PRDM16: variants seen among roughly 807,000 people sequenced by gnomAD.
PRDM16 encodes PR/SET domain 16.
In PRDM16, 23 loss-of-function variants were observed where a neutral mutation model predicts 110.6. That is an observed-to-expected ratio of 0.21 (90% CI 0.15 to 0.29). PRDM16 has a LOEUF of 0.29. PRDM16 is among the 10% of genes least tolerant of loss of function. The pLI, the probability that PRDM16 is intolerant of heterozygous loss-of-function variation, is 1.00. For missense variants in PRDM16, 1,615 were observed against 1,794.3 expected (o/e 0.90, Z 1.81); for synonymous variants, 799 against 781.8 (o/e 1.02, Z -0.37).
chr1:3,396,258 G>A (rs112989328), intron 4 of PRDM16: 47 of 581,330 alleles, frequency 8.1e-5, no homozygotes, highest in African/African-American at 4.4e-4. Context: ...CTGTTTAGTC[G>A]GCCACCCCCT....
At chr1:3,421,029 G>A (rs761135673) in intron 12 of PRDM16, among the ~76,000 whole-genome samples, 11 of 152,244 alleles carry the variant, frequency 7.2e-5, no homozygotes, top group Middle Eastern at 3.2e-3. Flanking sequence ...TGCCTTCTGT[G>A]TGAAGCTGGA....
rs191288337 is a variant in PRDM16 at position 3,310,589 on chromosome 1, G to A, written c.438+66452G>A. Among the ~76,000 whole-genome samples the A allele has an allele frequency of 1.2e-4, 18 of 152,208 alleles. No individual in the cohort carries two copies. In the East Asian group the frequency reaches 2.3e-3, roughly 20 times the overall value. ...TGGGGAGAGAATGTTTGACCGAGCCGGGTTACTTGGTCCCCAAGTCCCTCC... is the reference window on the plus strand; with the variant it reads ...TGGGGAGAGAATGTTTGACCGAGCCAGGTTACTTGGTCCCCAAGTCCCTCC... On this transcript the variant is annotated intron_variant, in intron 3 of 16. Coordinates refer to ENST00000270722, the MANE Select transcript of PRDM16 (RefSeq NM_022114.4).
rs915669654 is a variant in PRDM16 at position 3,370,771 on chromosome 1, G to A, written c.439-14381G>A. 1.3e-5 allele frequency among the ~76,000 whole-genome samples: 2 copies of A among 152,248 alleles called. No homozygotes were observed. Among genetic ancestry groups the A allele is most frequent in the East Asian group, 1.9e-4 (1 of 5,174 alleles). On this transcript the variant is annotated intron_variant, in intron 3 of 16. Transcript: ENST00000270722. The surrounding 1 kb of genome is among the most constrained non-coding windows in gnomAD (Gnocchi z 4.8). ...GAAGCCATAAGTGTCTGGGCAAGTT[G>A]AGGGGAGGGTCTGCTCCCCATCCAT...
chr1:3,230,567 A>C (rs1639383255), intron 2 of PRDM16, among the ~76,000 whole-genome samples: 1 of 152,262 alleles, frequency 6.6e-6, no homozygotes, highest in South Asian at 2.1e-4. Context: ...GAAAACAAAC[A>C]GGAGGAAAAT....
chr1:3,177,828 A>G (rs1459848480), intron 1 of PRDM16, among the ~76,000 whole-genome samples: 1 of 143,066 alleles, frequency 7.0e-6, no homozygotes, highest in Admixed American at 7.2e-5. Flanking sequence ...TGAACTGATC[A>G]GTAAGTTTAG....
At chr1:3,180,049 T>A (rs1644132294) in intron 1 of PRDM16, among the ~76,000 whole-genome samples, 1 of 152,138 alleles carries the variant, frequency 6.6e-6, no homozygotes, top group Non-Finnish European at 1.5e-5. Flanking sequence ...CTTTTGACCT[T>A]AGGTTTTCTG....
At chr1:3,424,408 G>A (rs777161425) in intron 12 of PRDM16, among the ~76,000 whole-genome samples, 4 of 152,210 alleles carry the variant, frequency 2.6e-5, no homozygotes, top group African/African-American at 4.8e-5. Context: ...AGCCCTCCTC[G>A]ATCGCTCATT....
At chr1:3,097,509 A>C (rs1258355920) in intron 1 of PRDM16, among the ~76,000 whole-genome samples, 1 of 152,216 alleles carries the variant, frequency 6.6e-6, no homozygotes, top group Non-Finnish European at 1.5e-5. Context: ...CATACAGGCC[A>C]GAAGCCAGCA....
chr1:3,228,166 G>A (rs936005159), intron 2 of PRDM16, among the ~76,000 whole-genome samples: 3 of 152,272 alleles, frequency 2.0e-5, no homozygotes, highest in Admixed American at 2.0e-4. Flanking sequence ...TGTCCAGTGT[G>A]TGTCCTTCCC....
At chr1:3,262,775 C>T (rs1375935500) in intron 3 of PRDM16, among the ~76,000 whole-genome samples, 6 of 152,306 alleles carry the variant, frequency 3.9e-5, no homozygotes, top group Admixed American at 3.9e-4. Flanking sequence ...GCATGGGGTC[C>T]CAGGGACGAC....
At chr1:3,074,755 C>T (rs1641858604) in intron 1 of PRDM16, among the ~76,000 whole-genome samples, 1 of 152,196 alleles carries the variant, frequency 6.6e-6, no homozygotes, top group Non-Finnish European at 1.5e-5. Flanking sequence ...AGGACCTGCC[C>T]TTTGCCACCC....
intron 3 of PRDM16, among the ~76,000 whole-genome samples, chr1:3,284,282 G>A (rs777741961): frequency 6.6e-6 from 1 of 152,326 alleles, no homozygotes; most frequent in African/African-American, 2.4e-5. Context: ...AGAGTCAAAC[G>A]TTTTCGGCCC....
chr1:3,332,907 G>A (rs1312594900), intron 3 of PRDM16, among the ~76,000 whole-genome samples: 1 of 152,198 alleles, frequency 6.6e-6, no homozygotes, highest in African/African-American at 2.4e-5. Context: ...ACGCATCTGT[G>A]TTCAAGGTTC....
intron 3 of PRDM16, among the ~76,000 whole-genome samples, chr1:3,277,942 G>A (rs1189530281): frequency 2.0e-5 from 3 of 152,196 alleles, no homozygotes; most frequent in Non-Finnish European, 4.4e-5. Context: ...TTCCAACACC[G>A]TGAAGTCCGT....
chr1:3,365,852 C>T (rs1205978541), intron 3 of PRDM16, among the ~76,000 whole-genome samples: 1 of 152,232 alleles, frequency 6.6e-6, no homozygotes, highest in African/African-American at 2.4e-5. Flanking sequence ...GCAGGGACGA[C>T]TTTGAAGGCT....
chr1:3,093,549 C>G (rs1300567647), intron 1 of PRDM16, among the ~76,000 whole-genome samples: 3 of 152,152 alleles, frequency 2.0e-5, no homozygotes, highest in African/African-American at 7.2e-5. Context: ...GCCCTGGGAC[C>G]CCCGGCATCT....
chr1:3,403,034 C>T (rs1422613597), intron 6 of PRDM16, 36 bp downstream of exon 6: 16 of 1,510,928 alleles, frequency 1.1e-5, no homozygotes, highest in South Asian at 4.6e-5. Flanking sequence ...CTCCCCTTCC[C>T]GTACCCTCCT....
Position 3,190,709 on chromosome 1 carries a change from G to A in PRDM16, c.387+4235G>A, listed in dbSNP as rs1026318761. ...GGCTCAGTCTCTTCCCAAATACCAC[G>A]CCCCGCCGGTCGCCGCCGAAGCCCA... On this transcript the variant is annotated intron_variant, in intron 2 of 16. Coordinates refer to ENST00000270722, the MANE Select transcript of PRDM16 (RefSeq NM_022114.4). This position sits in a 1 kb window ranked among gnomAD's most constrained non-coding sequence, Gnocchi z 5.0. 7.2e-5 allele frequency among the ~76,000 whole-genome samples: 11 copies of A among 152,156 alleles called. No individual in the cohort carries two copies. The highest frequency in any genetic ancestry group is 3.9e-4 in the East Asian group (2 of 5,184).
chr1:3,376,070 C>T (rs1324072745), intron 3 of PRDM16, among the ~76,000 whole-genome samples: 1 of 152,110 alleles, frequency 6.6e-6, no homozygotes, highest in East Asian at 1.9e-4. Context: ...CCCAGGAGCG[C>T]CACAGCATCC....
Sources: allele counts gnomAD v4.1 joint callset (sites outside exome capture counted in the v4.1 genomes callset), GRCh38; gene constraint gnomAD v4.1.1; non-coding constraint Gnocchi (gnomAD v3.1); transcripts MANE v1.5; gene names NCBI Gene and HGNC (gene_info 2026-07-23, HGNC 2026-07-21).